MYO5C: variants seen among roughly 807,000 people sequenced by gnomAD.
MYO5C encodes myosin VC, also known as unconventional myosin-Vc.
In MYO5C, 194 loss-of-function variants were observed where a neutral mutation model predicts 235.7. That is an observed-to-expected ratio of 0.82 (90% CI 0.73 to 0.93). The LOEUF is 0.93. Ranked by LOEUF, MYO5C falls within the 40% of genes least tolerant of loss-of-function variation. MYO5C has a pLI of 0.00. For synonymous variants in MYO5C, 707 were observed against 754.8 expected, an observed-to-expected ratio of 0.94 and a Z score of 1.04; for missense variants, 2,038 against 2,127.2, an observed-to-expected ratio of 0.96 and a Z score of 0.82.
At chr15:52,217,637 T>G (rs2035585233) in intron 32 of MYO5C, among the ~76,000 whole-genome samples, 1 of 152,226 alleles carries the variant, frequency 6.6e-6, no homozygotes. Flanking sequence ...CTGATTGGAA[T>G]TTGTTACTTC....
chr15:52,252,184 T>C (rs1164354261), intron 12 of MYO5C, among the ~76,000 whole-genome samples: 2 of 152,164 alleles, frequency 1.3e-5, no homozygotes, highest in African/African-American at 4.8e-5. Context: ...ATTTTATTTC[T>C]ATAAAATAGG....
At chr15:52,218,721 T>C (rs2035609626) in intron 31 of MYO5C, 34 bp from the exon 32 acceptor site, 2 of 1,607,964 alleles carry the variant, frequency 1.2e-6, no homozygotes, top group Non-Finnish European at 1.7e-6. Context: ...CTGGTATCAG[T>C]ATGACGGTCA....
At chr15:52,266,898 C>T (rs2036824799) in intron 8 of MYO5C, among the ~76,000 whole-genome samples, 1 of 152,146 alleles carries the variant, frequency 6.6e-6, no homozygotes, top group Admixed American at 6.5e-5. Context: ...TACCACCTGC[C>T]CACTTCACAC....
At chr15:52,282,701 G>A in intron 2 of MYO5C, 81 bp downstream of exon 2, 1 of 997,264 alleles carries the variant, frequency 1.0e-6, no homozygotes. Flanking sequence ...CCTCCCACGG[G>A]GTCCACGTGC....
At chr15:52,259,689 A>G (rs1367710116) in intron 10 of MYO5C, among the ~76,000 whole-genome samples, 1 of 152,268 alleles carries the variant, frequency 6.6e-6, no homozygotes, top group East Asian at 1.9e-4. Context: ...TAAGCATTTT[A>G]TAACTGTTGA....
chr15:52,274,155 C>A (rs1029516213), intron 5 of MYO5C, among the ~76,000 whole-genome samples: 2 of 152,168 alleles, frequency 1.3e-5, no homozygotes, highest in African/African-American at 4.8e-5. Flanking sequence ...GCCATGCGCT[C>A]GGTAAACAAA....
intron 20 of MYO5C, 88 bp from the exon 21 acceptor site, chr15:52,239,967 G>T: frequency 1.5e-6 from 2 of 1,373,612 alleles, no homozygotes; most frequent in Non-Finnish European, 9.9e-7. Flanking sequence ...CAACTACCAC[G>T]GTGTAGAAAA....
chr15:52,286,198 AG>A (rs2140868366), intron 1 of MYO5C, among the ~76,000 whole-genome samples: 1 of 150,810 alleles, frequency 6.6e-6, no homozygotes, highest in East Asian at 2.0e-4. Context: ...TCCGCCCGGC[AG>A]CCGCCCCGTC....
intron 35 of MYO5C, among the ~76,000 whole-genome samples, 170 bp downstream of exon 35, chr15:52,211,560 T>A (rs1466793464): frequency 6.6e-6 from 1 of 152,192 alleles, no homozygotes; most frequent in Admixed American, 6.5e-5. Context: ...CAGATGCTCA[T>A]CCATTTATCT....
intron 36 of MYO5C, among the ~76,000 whole-genome samples, chr15:52,207,123 A>AC (rs1364339098): frequency 1.3e-5 from 2 of 151,276 alleles, no homozygotes; most frequent in Non-Finnish European, 2.9e-5. Flanking sequence ...ACAGAGTGAG[A>AC]CCCCCATCTC....
At position 52,249,348 on chromosome 15, in the gene MYO5C, A is replaced by G. The variant is rs370311933; in HGVS notation, c.1663-565T>C. On this transcript the variant is annotated intron_variant, in intron 13 of 40. Transcript: ENST00000261839. ...CCTTTCTGATGAAGAAGGCTTCTCG[A>G]ATGCCTCAAACCATGGCATATCCAG... 5.3e-5 allele frequency among the ~76,000 whole-genome samples: 8 copies of G among 152,262 alleles called. No individual in the cohort carries two copies. In the East Asian group the frequency reaches 1.2e-3, roughly 22 times the overall value.
chr15:52,275,589 C>T lies in MYO5C; in HGVS notation c.579G>A (p.Lys193=), dbSNP rs1238660191. 1.9e-6 allele frequency: 3 copies of T among 1,614,102 alleles called. No individual in the cohort carries two copies. The African/African-American group carries it at 4.0e-5, about 22-fold the overall frequency. ...CGGTGATGGGATTGGATGCCAGGACCTTGTCTTCCACGTGAGCGTTGCTGC... is the reference window on the plus strand; with the variant it reads ...CGGTGATGGGATTGGATGCCAGGACTTTGTCTTCCACGTGAGCGTTGCTGC... ...KSGSNAHVED[K]VLASNPITEA... Residue 193 remains lysine (K), a synonymous_variant, in exon 5 of 41, where the codon AAG becomes AAA. Transcript: ENST00000261839.
chr15:52,223,481 G>T (rs4405492), intron 29 of MYO5C, 63 bp downstream of exon 29: 1,307,539 of 1,451,596 alleles, frequency 0.9, 603,073 homozygotes, highest in Non-Finnish European at 0.95. Flanking sequence ...TGAATTTGAC[G>T]CCACTGACAA....
intron 24 of MYO5C, among the ~76,000 whole-genome samples, chr15:52,232,295 AGG>A: frequency 6.6e-6 from 1 of 150,720 alleles, no homozygotes; most frequent in South Asian, 2.1e-4. Flanking sequence ...GAAGGAAGGA[AGG>A]AGAGAAGGAA....
intron 1 of MYO5C, among the ~76,000 whole-genome samples, chr15:52,287,578 A>G (rs1052855308): frequency 5.3e-5 from 8 of 152,200 alleles, no homozygotes; most frequent in Non-Finnish European, 8.8e-5. Context: ...TTGTACATGA[A>G]TTACCAAATT....
At chr15:52,232,545 T>C (rs1596169019) in intron 24 of MYO5C, 77 bp downstream of exon 24, 1 of 1,414,866 alleles carries the variant, frequency 7.1e-7, no homozygotes, top group Non-Finnish European at 1.0e-6. Context: ...GTCTGCTATA[T>C]GCAAACTGAG....
chr15:52,252,465 A>G (rs1248409794), intron 12 of MYO5C, among the ~76,000 whole-genome samples: 1 of 151,514 alleles, frequency 6.6e-6, no homozygotes, highest in African/African-American at 2.4e-5. Flanking sequence ...TGAGATGGAA[A>G]CCCCATCTCT....
At chr15:52,214,229 T>C (rs1276505611) in intron 33 of MYO5C, among the ~76,000 whole-genome samples, 4 of 152,198 alleles carry the variant, frequency 2.6e-5, no homozygotes, top group African/African-American at 9.7e-5. Context: ...GCTCTCTACT[T>C]TTCTAATAGA....
In MYO5C at chr15:52,269,761, G is replaced by A. The variant is rs376155162; in HGVS notation, c.932C>T (p.Thr311Met). 2.7e-5 allele frequency: 43 copies of A among 1,606,174 alleles called. No homozygotes were observed. The highest frequency in any genetic ancestry group is 2.4e-4 in the African/African-American group (18 of 74,460). ...GGGATATTTTCCCTTACCCAGAAGC[G>A]TGAAGGTCTTTTGAGTCTCTACCAT... is the stretch of plus-strand genomic sequence containing the variant. ...AEMVETQKTFTLLGFKEDFQM... is the reference protein window; with the variant it reads ...AEMVETQKTFMLLGFKEDFQM... The change falls in exon 8 of 41, where the codon ACG becomes ATG. Residue 311 changes from threonine to methionine, a missense_variant. Thr to Met is a moderately conservative substitution (Grantham distance 81). Transcript: ENST00000261839.
Sources: gnomAD v4.1 joint callset for allele counts (sites outside exome capture counted in the v4.1 genomes callset) on GRCh38, gnomAD v4.1.1 for gene constraint, MANE v1.5 for transcripts, NCBI Gene and HGNC (gene_info 2026-07-23, HGNC 2026-07-21) for gene names.